Variants in MAPK14 observed in about 807,000 individuals in gnomAD.
The protein encoded by MAPK14 is mitogen-activated protein kinase 14, also known as CSAID-binding protein.
In MAPK14, 16 loss-of-function variants were observed where a neutral mutation model predicts 49.6. The observed-to-expected ratio is 0.32, with a 90% CI of 0.22 to 0.49. MAPK14 has a LOEUF of 0.49. Among genes scored for constraint, MAPK14 ranks in the 20% least tolerant of loss-of-function variants. MAPK14 has a pLI of 0.99. For synonymous variants in MAPK14, 142 were observed against 158.0 expected, an observed-to-expected ratio of 0.90 and a Z score of 0.76; for missense variants, 200 against 441.2, an observed-to-expected ratio of 0.45 and a Z score of 4.90.
chr6:36,103,923 T>A (rs1457584120), intron 10 of MAPK14, among the ~76,000 whole-genome samples: 2 of 152,204 alleles, frequency 1.3e-5, no homozygotes, highest in Non-Finnish European at 2.9e-5. Flanking sequence ...TTCTTAAGGG[T>A]CTTGGCAGCT....
At chr6:36,103,194 G>C (rs2127473700) in intron 10 of MAPK14, among the ~76,000 whole-genome samples, 1 of 152,228 alleles carries the variant, frequency 6.6e-6, no homozygotes, top group East Asian at 1.9e-4. Context: ...TCCTGTTTGT[G>C]GAGCTTATTT....
chr6:36,122,933 A>G, the MAPK14 span, among the ~76,000 whole-genome samples: 89 of 152,162 alleles, frequency 5.8e-4, no homozygotes, highest in Non-Finnish European at 1.0e-3. Flanking sequence ...GCACGCTTCA[A>G]GAATGTGGAC....
intron 1 of MAPK14, among the ~76,000 whole-genome samples, chr6:36,037,197 T>C (rs1382872692): frequency 6.6e-6 from 1 of 152,220 alleles, no homozygotes; most frequent in Non-Finnish European, 1.5e-5. Flanking sequence ...TGATATTCAC[T>C]GTGTTGTGGT....
At chr6:36,117,864 C>T in the MAPK14 span, among the ~76,000 whole-genome samples, 48 of 152,304 alleles carry the variant, frequency 3.2e-4, no homozygotes, top group African/African-American at 1.1e-3. Context: ...CCTTATTGAC[C>T]GAGTCCATAA....
chr6:36,061,756 A>T (rs1245775648), intron 3 of MAPK14, among the ~76,000 whole-genome samples: 2 of 152,220 alleles, frequency 1.3e-5, no homozygotes, highest in Non-Finnish European at 2.9e-5. Flanking sequence ...CCAATTGGCC[A>T]TATGACCTTG....
In MAPK14 at chr6:36,031,934, G is replaced by A. The variant is rs535044530; in HGVS notation, c.116+3661G>A. Among the ~76,000 whole-genome samples, 5 of 151,960 alleles carry A rather than the reference G, an allele frequency of 3.3e-5. No individual in the cohort carries two copies. In the South Asian group the frequency reaches 8.3e-4, roughly 25 times the overall value. On this transcript the variant is annotated intron_variant, in intron 1 of 11. Coordinates refer to ENST00000229794, the MANE Select transcript of MAPK14 (RefSeq NM_139012.3). Reference sequence around the variant, plus strand: ...GAAGTCTACTTCCAAAAAAATCTCCGAATTTTATTTTATTTATTTATTTAT... The same window carrying A: ...GAAGTCTACTTCCAAAAAAATCTCCAAATTTTATTTTATTTATTTATTTAT...
intron 1 of MAPK14, among the ~76,000 whole-genome samples, chr6:36,042,554 A>G (rs749779645): frequency 3.5e-4 from 50 of 143,940 alleles, no homozygotes; most frequent in Non-Finnish European, 6.4e-4. Context: ...GTAGTTACGC[A>G]GTCAATGGCT....
chr6:36,108,618 CTT>C lies in MAPK14; in HGVS notation c.*173_*174del. The C allele has an allele frequency of 1.6e-6, 1 of 627,640 alleles. No homozygotes were observed. 38.9% of individuals were successfully genotyped at this position (627,640 alleles called of 1,614,324 possible). Reference sequence around the variant, plus strand: ...AGTGTGTGTGCATGTGTGTGTCTGTCTTTGTGGGAGGGTAAGACAATATGAAC... The same window carrying C: ...AGTGTGTGTGCATGTGTGTGTCTGTCTGTGGGAGGGTAAGACAATATGAAC... On this transcript the variant is annotated 3_prime_UTR_variant, in exon 12 of 12. Coordinates refer to ENST00000229794, the MANE Select transcript of MAPK14 (RefSeq NM_139012.3).
At chr6:36,062,638 GTT>G (rs67991248) in intron 3 of MAPK14, among the ~76,000 whole-genome samples, 4 of 141,988 alleles carry the variant, frequency 2.8e-5, no homozygotes, top group African/African-American at 1.0e-4. Context: ...CAGATTTATA[GTT>G]TTTTTTTTTT....
chr6:36,086,208 A>G (rs1764980672), intron 8 of MAPK14, among the ~76,000 whole-genome samples: 1 of 152,192 alleles, frequency 6.6e-6, no homozygotes, highest in African/African-American at 2.4e-5. Context: ...AGCTAGAAAG[A>G]TCTCAAATTG....
chr6:36,104,700 C>T (rs1765748459), intron 10 of MAPK14, among the ~76,000 whole-genome samples: 1 of 152,136 alleles, frequency 6.6e-6, no homozygotes, highest in Non-Finnish European at 1.5e-5. Flanking sequence ...CGTGTTCTTT[C>T]TTGTCGTCAT....
At position 36,110,605 on chromosome 6, in the gene MAPK14, G is replaced by A. The variant is rs1765937686; in HGVS notation, c.*2158G>A. On this transcript the variant is annotated 3_prime_UTR_variant, in exon 12 of 12. Coordinates refer to ENST00000229794, the MANE Select transcript of MAPK14 (RefSeq NM_139012.3). ...GAGCTCTTCGGTTTCTGAGCATAAT[G>A]CTCCCATCTCCTGATTTCTCTGAAC... 6.6e-6 allele frequency: 1 copy of A among 152,670 alleles called. No individual in the cohort carries two copies. The highest frequency in any genetic ancestry group is 2.1e-4 in the South Asian group (1 of 4,838). The allele number at this position is 152,670 out of a possible 1,614,324, so 9.5% of individuals were successfully genotyped here. A position where few individuals can be genotyped will look rare whatever the true frequency, so the allele number is the denominator to read the frequency against.
intron 9 of MAPK14, 95 bp downstream of exon 9, chr6:36,096,161 C>T (rs374843126): frequency 8.3e-6 from 7 of 840,056 alleles, no homozygotes; most frequent in East Asian, 2.5e-5. Flanking sequence ...TTTGTAAGCA[C>T]ACATGCCCTT....
intron 8 of MAPK14, among the ~76,000 whole-genome samples, chr6:36,094,095 T>C (rs1452242317): frequency 6.6e-6 from 1 of 152,218 alleles, no homozygotes. Context: ...CCCATGAACA[T>C]ATGCTATAAG....
chr6:36,032,138 AT>A (rs1762569341), intron 1 of MAPK14, among the ~76,000 whole-genome samples: 1 of 152,104 alleles, frequency 6.6e-6, no homozygotes, highest in Non-Finnish European at 1.5e-5. Context: ...AATGAATAAA[AT>A]TCATTCATTG....
intron 8 of MAPK14, chr6:36,092,440 T>G (rs1389005839): frequency 1.5e-6 from 1 of 663,500 alleles, no homozygotes. Flanking sequence ...TAGTGAAGCG[T>G]TCTCTGCAGC....
chr6:36,044,433 T>C (rs990337799), intron 1 of MAPK14, among the ~76,000 whole-genome samples: 1 of 151,128 alleles, frequency 6.6e-6, no homozygotes, highest in Non-Finnish European at 1.5e-5. Context: ...GTCCAGCACC[T>C]TACCTTTCTT....
the MAPK14 span, among the ~76,000 whole-genome samples, chr6:36,120,600 C>G: frequency 6.6e-6 from 1 of 152,022 alleles, no homozygotes; most frequent in Non-Finnish European, 1.5e-5. Flanking sequence ...AGTGTGTATC[C>G]CCCGGCTGTT....
At chr6:36,087,189 G>C (rs1484230877) in intron 8 of MAPK14, among the ~76,000 whole-genome samples, 1 of 152,144 alleles carries the variant, frequency 6.6e-6, no homozygotes, top group Non-Finnish European at 1.5e-5. Context: ...GTATCTTACT[G>C]AATAGGCAAA....
Sources: gnomAD v4.1 joint callset for allele counts (sites outside exome capture counted in the v4.1 genomes callset) on GRCh38, gnomAD v4.1.1 for gene constraint, MANE v1.5 for transcripts, NCBI Gene and HGNC (gene_info 2026-07-23, HGNC 2026-07-21) for gene names.